The following FANCC variants were observed in gnomAD, a reference collection of about 807,000 sequenced individuals.
FANCC encodes Fanconi anemia group C protein.
In FANCC, 55 loss-of-function variants were observed where a neutral mutation model predicts 71.3. The observed-to-expected ratio is 0.77, with a 90% CI of 0.62 to 0.97. The LOEUF (loss-of-function observed/expected upper bound fraction) is 0.97, where lower values mean the gene tolerates loss of function less well. Among genes scored for constraint, FANCC ranks in the 50% least tolerant of loss-of-function variants. FANCC has a pLI of 0.00. For synonymous variants in FANCC, 275 were observed against 244.9 expected (o/e 1.12, Z -1.15); for missense variants, 678 against 670.9 (o/e 1.01, Z -0.12).
chr9:95,104,093 G>C (rs1187398133), intron 14 of FANCC, among the ~76,000 whole-genome samples: 1 of 152,164 alleles, frequency 6.6e-6, no homozygotes, highest in Non-Finnish European at 1.5e-5. Context: ...CGTGGGCCAA[G>C]CAGACCCGGC....
Position 95,135,437 on chromosome 9 carries a change from T to G in FANCC, c.752A>C (p.Glu251Ala). Residue 251 changes from glutamate to alanine, a missense_variant, in exon 8 of 15, where the codon GAA (glutamate) becomes GCA (alanine). By Grantham distance (107) the Glu-to-Ala change is moderately radical. Transcript: ENST00000289081. ...CLWLRHLPSLEKAMLHLFEKL... is the reference protein window; with the variant it reads ...CLWLRHLPSLAKAMLHLFEKL... ...TTCAAAAAGATGCAGCATTGCTTTT[T>G]CAAGGCTGGGAAGGTGCCGAAGCCA... 1 of 1,614,028 alleles carries G rather than the reference T, an allele frequency of 6.2e-7. No individual in the cohort carries two copies. The highest frequency in any genetic ancestry group is 8.5e-7 in the Non-Finnish European group (1 of 1,179,948).
At position 95,185,528 on chromosome 9, in the gene FANCC, C is replaced by T. The variant is rs562978233; in HGVS notation, c.346-13381G>A. Among the ~76,000 whole-genome samples the T allele has an allele frequency of 7.1e-4, 108 of 152,328 alleles. 1 individual carries two copies. The highest frequency in any genetic ancestry group is 7.8e-4 in the Admixed American group (12 of 15,310). On this transcript the variant is annotated intron_variant, in intron 4 of 14. Coordinates refer to ENST00000289081, the MANE Select transcript of FANCC (RefSeq NM_000136.3). ...GGCAGTCTGAGTAAATTAACCTAAG[C>T]AGTGACACAGGAAACAAATCATGCC...
intron 4 of FANCC, among the ~76,000 whole-genome samples, chr9:95,210,000 T>A (rs1828389967): frequency 6.6e-6 from 1 of 152,072 alleles, no homozygotes. Context: ...ATAAACACAC[T>A]CTACCCTGGT....
Position 95,299,396 on chromosome 9 carries a change from A to G in FANCC, c.-79+18130T>C, listed in dbSNP as rs535427306. ...AGTGACTCTATTGCTAGATACCCAC[A>G]TGTAGACTACATTTTAGTAAAAAGG... On this transcript the variant is annotated intron_variant, in intron 1 of 14. Transcript: ENST00000289081. Among the ~76,000 whole-genome samples, 13 of 152,346 alleles carry G rather than the reference A, an allele frequency of 8.5e-5. No individual in the cohort carries two copies. In the East Asian group the frequency reaches 2.5e-3, roughly 29 times the overall value.
At chr9:95,195,445 C>G (rs747537885) in intron 4 of FANCC, among the ~76,000 whole-genome samples, 5 of 152,088 alleles carry the variant, frequency 3.3e-5, no homozygotes, top group Non-Finnish European at 4.4e-5. Flanking sequence ...GGTCTATTTC[C>G]AGGTTCTCTG....
chr9:95,136,886 C>T (rs1827781365), intron 7 of FANCC, among the ~76,000 whole-genome samples: 1 of 152,176 alleles, frequency 6.6e-6, no homozygotes, highest in Non-Finnish European at 1.5e-5. Context: ...CTGGAGGGAG[C>T]ATGAGGGGCA....
At chr9:95,135,266 C>T (rs575584025) in intron 8 of FANCC, 80 bp downstream of exon 8, 4 of 1,343,324 alleles carry the variant, frequency 3.0e-6, no homozygotes, top group South Asian at 1.2e-5. Context: ...TACATCCCCC[C>T]CTTTCATTCT....
At chr9:95,278,390 T>C (rs780825415) in intron 1 of FANCC, among the ~76,000 whole-genome samples, 1 of 152,220 alleles carries the variant, frequency 6.6e-6, no homozygotes, top group Non-Finnish European at 1.5e-5. Flanking sequence ...GCTACTGATA[T>C]GTGATACCAT....
chr9:95,145,522 G>A (rs1233651823), intron 7 of FANCC: 1 of 152,094 alleles, frequency 6.6e-6, no homozygotes, highest in Non-Finnish European at 1.5e-5. Context: ...CCTGCAACTA[G>A]AAAAATTGGT....
intron 4 of FANCC, among the ~76,000 whole-genome samples, chr9:95,215,400 G>C (rs1183616365): frequency 2.0e-5 from 3 of 152,096 alleles, no homozygotes; most frequent in Non-Finnish European, 4.4e-5. Context: ...GGGAGAGAGA[G>C]TGAGGAGGAT....
At chr9:95,107,614 T>TATCA (rs1564642363) in intron 13 of FANCC, 2 of 414,944 alleles carry the variant, frequency 4.8e-6, no homozygotes, top group Non-Finnish European at 9.0e-6. Flanking sequence ...AAGACTCGCC[T>TATCA]ATCACAGCCA....
chr9:95,261,094 C>A (rs764796814), intron 1 of FANCC, among the ~76,000 whole-genome samples: 30 of 152,136 alleles, frequency 2.0e-4, no homozygotes, highest in Admixed American at 1.3e-4. Context: ...GAGGGAGAGA[C>A]GTTCAATTCA....
At chr9:95,149,290 G>A (rs1400868700) in intron 7 of FANCC, among the ~76,000 whole-genome samples, 1 of 152,080 alleles carries the variant, frequency 6.6e-6, no homozygotes, top group African/African-American at 2.4e-5. Context: ...GGGCCTACCT[G>A]AGCAACGGTA....
intron 6 of FANCC, among the ~76,000 whole-genome samples, chr9:95,155,337 GGGAGGA>G (rs1269379280): frequency 5.1e-5 from 3 of 58,284 alleles, no homozygotes; most frequent in Admixed American, 2.9e-4. Context: ...GAGGAAGGAA[GGGAGGA>G]AGGGAGGGAG....
chr9:95,113,338 G>A (rs2134597131), intron 12 of FANCC, among the ~76,000 whole-genome samples: 1 of 152,290 alleles, frequency 6.6e-6, no homozygotes, highest in South Asian at 2.1e-4. Context: ...GTGGCAAAAG[G>A]AACAAATAAG....
In FANCC at chr9:95,190,287, G is replaced by A. The variant is rs942310162; in HGVS notation, c.346-18140C>T. 3.3e-5 allele frequency among the ~76,000 whole-genome samples: 5 copies of A among 152,026 alleles called. No homozygotes were observed. The South Asian group carries it at 6.2e-4, about 19-fold the overall frequency. On this transcript the variant is annotated intron_variant, in intron 4 of 14. Coordinates refer to ENST00000289081, the MANE Select transcript of FANCC (RefSeq NM_000136.3). The stretch of plus-strand genomic sequence containing the variant: ...CACTCCTACCTCGCCAGGACCCTCC[G>A]CAGCAGTGACCCGCGTCATTGCTGG...
At chr9:95,252,388 A>G (rs1356570217) in intron 1 of FANCC, among the ~76,000 whole-genome samples, 3 of 151,972 alleles carry the variant, frequency 2.0e-5, no homozygotes, top group South Asian at 2.1e-4. Context: ...CAGTTTAGAT[A>G]TTTGGGAACC....
At chr9:95,215,048 T>C (rs1403681250) in intron 4 of FANCC, among the ~76,000 whole-genome samples, 2 of 152,108 alleles carry the variant, frequency 1.3e-5, no homozygotes, top group Non-Finnish European at 2.9e-5. Flanking sequence ...ACATTAAAAA[T>C]AGGTCAAATT....
At chr9:95,114,315 C>G (rs2072214443) in intron 12 of FANCC, 3 of 385,452 alleles carry the variant, frequency 7.8e-6, no homozygotes, top group Non-Finnish European at 1.5e-5. Context: ...GTGGGTGCTG[C>G]TTTTTCCAAG....
Sources: gnomAD v4.1 joint callset for allele counts (sites outside exome capture counted in the v4.1 genomes callset) on GRCh38, gnomAD v4.1.1 for gene constraint, MANE v1.5 for transcripts, NCBI Gene and HGNC (gene_info 2026-07-23, HGNC 2026-07-21) for gene names.